The following NLRP11 variants were observed in gnomAD, a reference collection of about 807,000 sequenced individuals.
NLRP11 encodes the protein NACHT, LRR and PYD domains-containing protein 11.
In NLRP11, 53 loss-of-function variants were observed where a neutral mutation model predicts 79.3. That is an observed-to-expected ratio of 0.67 (90% CI 0.54 to 0.84). The LOEUF (loss-of-function observed/expected upper bound fraction) is 0.84, where lower values mean the gene tolerates loss of function less well. NLRP11 is among the 40% of genes least tolerant of loss of function. The pLI is 0.00. For synonymous variants in NLRP11, 518 were observed against 462.6 expected, an observed-to-expected ratio of 1.12 and a Z score of -1.54; for missense variants, 1,264 against 1,255.0, an observed-to-expected ratio of 1.01 and a Z score of -0.11.
chr19:55,792,234 C>T (rs929508848), intron 7 of NLRP11, 67 bp downstream of exon 7: 7 of 1,416,942 alleles, frequency 4.9e-6, no homozygotes, highest in Non-Finnish European at 6.9e-6. Flanking sequence ...TCCCTGCCAC[C>T]AACCCCACCA....
intron 2 of NLRP11, among the ~76,000 whole-genome samples, chr19:55,816,846 G>A (rs1244926003): frequency 6.6e-6 from 1 of 152,118 alleles, no homozygotes; most frequent in African/African-American, 2.4e-5. Flanking sequence ...AGAAAATAAA[G>A]GTAGGATCAT....
intron 2 of NLRP11, 67 bp downstream of exon 2, chr19:55,817,837 A>AAAAAG: frequency 1.6e-6 from 2 of 1,214,224 alleles, no homozygotes; most frequent in Non-Finnish European, 2.3e-6. Flanking sequence ...AAAAAAAAAA[A>AAAAAG]GGCCCAACAC....
chr19:55,800,466 C>T (rs1009596901), intron 5 of NLRP11, among the ~76,000 whole-genome samples: 1 of 152,154 alleles, frequency 6.6e-6, no homozygotes, highest in African/African-American at 2.4e-5. Context: ...TGCTACCATG[C>T]CTGGCTAATT....
At position 55,814,559 on chromosome 19, in the gene NLRP11, A is replaced by G. The variant is rs78088215; in HGVS notation, c.271+3345T>C. 1.7e-3 allele frequency among the ~76,000 whole-genome samples: 254 copies of G among 146,618 alleles called. 1 individual carries two copies. The highest frequency in any genetic ancestry group is 9.2e-3 in the East Asian group (45 of 4,868). On this transcript the variant is annotated intron_variant, in intron 2 of 9. Coordinates refer to ENST00000589093, the Ensembl canonical transcript of NLRP11. ...TGAGCTAGATAAGAAAAGAGAAGTG[A>G]ATGACAGGATAACCATGCAACTAAA...
At chr19:55,822,501 C>A (rs935424690) in intron 1 of NLRP11, among the ~76,000 whole-genome samples, 3 of 152,056 alleles carry the variant, frequency 2.0e-5, no homozygotes, top group Non-Finnish European at 2.9e-5. Flanking sequence ...ATCTGAGGTA[C>A]CGGGTTCATC....
rs1374818421 is a variant in NLRP11 at position 55,808,835 on chromosome 19, C to T, written c.1775G>A (p.Arg592Lys). 1.1e-5 allele frequency: 17 copies of T among 1,613,760 alleles called. No homozygotes were observed. Among genetic ancestry groups the T allele is most frequent in the Non-Finnish European group, 1.4e-5 (16 of 1,179,836 alleles). ...GCGCTGAACACTCAACTTAAGTGTC[C>T]TCAGGTGACAGCAGTAATCCAGACA... is the stretch of plus-strand genomic sequence containing the variant. The change falls in exon 3 of 10, where the codon AGG becomes AAG. Residue 592 changes from arginine to lysine, a missense_variant. By Grantham distance (26) the Arg-to-Lys change is conservative (BLOSUM62 2). Coordinates refer to ENST00000589093, the Ensembl canonical transcript of NLRP11.
exon 10 of NLRP11, chr19:55,785,504 C>A: frequency 1.4e-6 from 1 of 717,342 alleles, no homozygotes; most frequent in East Asian, 3.0e-5. Flanking sequence ...CACACACACA[C>A]ACACACACAC....
chr19:55,785,728 C>T, exon 10 of NLRP11: 2 of 1,614,060 alleles, frequency 1.2e-6, no homozygotes, highest in Admixed American at 1.7e-5. Flanking sequence ...TATTATTGAA[C>T]CTGGCTGAGA....
At chr19:55,801,852 C>A in intron 4 of NLRP11, 113 bp from the exon 5 acceptor site, 1 of 814,862 alleles carries the variant, frequency 1.2e-6, no homozygotes, top group South Asian at 1.6e-5. Flanking sequence ...TGGATTACAT[C>A]CTCACACATG....
At chr19:55,810,223 G>C (rs145807373) in exon 3 of NLRP11, 2 of 1,614,012 alleles carry the variant, frequency 1.2e-6, no homozygotes, top group Admixed American at 1.7e-5. Flanking sequence ...GAAGTATGTA[G>C]AACACATCTG....
At chr19:55,785,539 A>ACAC in exon 10 of NLRP11, 15 of 1,224,362 alleles carry the variant, frequency 1.2e-5, no homozygotes, top group Non-Finnish European at 1.6e-5. Context: ...ACACACACAC[A>ACAC]TCAAATAGGA....
At chr19:55,819,041 G>A (rs1981414792) in intron 1 of NLRP11, among the ~76,000 whole-genome samples, 1 of 151,872 alleles carries the variant, frequency 6.6e-6, no homozygotes, top group South Asian at 2.1e-4. Flanking sequence ...AGTCCCCAGG[G>A]TCAAGATGAC....
chr19:55,822,566 C>G (rs559475707), intron 1 of NLRP11, among the ~76,000 whole-genome samples: 1 of 151,910 alleles, frequency 6.6e-6, no homozygotes, highest in Non-Finnish European at 1.5e-5. Context: ...GCACCGTGCG[C>G]GAGCCGAAGC....
intron 2 of NLRP11, among the ~76,000 whole-genome samples, chr19:55,813,649 GCATGTACCT>G (rs969542267): frequency 3.3e-5 from 5 of 152,300 alleles, no homozygotes; most frequent in African/African-American, 9.6e-5. Context: ...GAGCAGGTGA[GCATGTACCT>G]CATGAGGAAG....
intron 6 of NLRP11, 22 bp downstream of exon 6, chr19:55,796,058 G>C (rs762620140): frequency 1.9e-6 from 3 of 1,594,194 alleles, no homozygotes; most frequent in Non-Finnish European, 2.6e-6. Context: ...TCTACGTGGT[G>C]AGCTCGTCTA....
chr19:55,819,126 T>TACAGACAC (rs1491154998), intron 1 of NLRP11, among the ~76,000 whole-genome samples: 5 of 105,266 alleles, frequency 4.7e-5, no homozygotes, highest in South Asian at 8.3e-4. Context: ...TGGTATCGCC[T>TACAGACAC]ACACACACAC....
In NLRP11 at chr19:55,809,452, G is replaced by A. The variant is rs756906180; in HGVS notation, c.1158C>T (p.Ala386=). ...TTAGGAGACCTAGGTGATACTGATT[G>A]GCAGTAAGTCCAGCCTCTGATGTCA... is the stretch of plus-strand genomic sequence containing the variant. Residue 386 remains alanine, a synonymous_variant, in exon 3 of 10, where the codon GCC becomes GCT. Coordinates refer to ENST00000589093, the Ensembl canonical transcript of NLRP11. The surrounding 1 kb of genome is among the most constrained non-coding windows in gnomAD (Gnocchi z 4.5). The A allele has an allele frequency of 2.5e-6, 4 of 1,614,018 alleles. No individual in the cohort carries two copies. In the South Asian group the frequency reaches 3.3e-5, roughly 13 times the overall value.
Position 55,808,763 on chromosome 19 carries a change from A to G in NLRP11, c.1841+6T>C. The stretch of plus-strand genomic sequence containing the variant: ...AGGAAAGAGGATTTATTTTTTAAAG[A>G]CTCACCTAGCAGTTGGCCTTATAAG... On this transcript the variant is annotated splice_donor_region_variant and intron_variant, in intron 3 of 9. Coordinates refer to ENST00000589093, the Ensembl canonical transcript of NLRP11. The G allele has an allele frequency of 6.3e-7, 1 of 1,589,148 alleles. No individual in the cohort carries two copies. Among genetic ancestry groups the G allele is most frequent in the Non-Finnish European group, 8.5e-7 (1 of 1,169,632 alleles).
intron 1 of NLRP11, among the ~76,000 whole-genome samples, chr19:55,828,013 A>G (rs1982395572): frequency 6.6e-6 from 1 of 151,170 alleles, no homozygotes; most frequent in African/African-American, 2.4e-5. Context: ...CTTGGAACCA[A>G]CCCAAATGTC....
Sources: allele counts gnomAD v4.1 joint callset (sites outside exome capture counted in the v4.1 genomes callset), GRCh38; gene constraint gnomAD v4.1.1; non-coding constraint Gnocchi (gnomAD v3.1); transcripts MANE v1.5; gene names NCBI Gene and HGNC (gene_info 2026-07-23, HGNC 2026-07-21).